Variants in SMG6 observed in about 807,000 individuals in gnomAD.
SMG6 encodes the protein telomerase-binding protein EST1A.
A neutral mutation model predicts 142.2 loss-of-function variants in SMG6; 66 were observed. The observed-to-expected ratio is 0.46, with a 90% confidence interval of 0.38 to 0.57. The LOEUF (loss-of-function observed/expected upper bound fraction) is 0.57. Among genes scored for constraint, SMG6 ranks in the 20% least tolerant of loss-of-function variants. The pLI is 0.00. For synonymous variants in SMG6, 779 were observed against 702.4 expected (o/e 1.11, Z -1.72); for missense variants, 1,793 against 1,832.0 (o/e 0.98, Z 0.39).
In SMG6 at chr17:2,081,914, C is replaced by T; in HGVS notation, c.3577G>A (p.Ala1193Thr). 1 of 1,614,184 alleles carries T rather than the reference C, an allele frequency of 6.2e-7. No homozygotes were observed. Among genetic ancestry groups the T allele is most frequent in the Non-Finnish European group, 8.5e-7 (1 of 1,180,042 alleles). ...VIEDFEEDSE[A>T]EGSGGEDDIR... ...TCATCCTCGCCTCCGCTGCCTTCAG[C>T]CTCTGAATCTTCCTCAAAGTCTTCA... is the stretch of plus-strand genomic sequence containing the variant. The change falls in exon 15 of 19, where the codon GCT becomes ACT. Residue 1193 changes from alanine (A) to threonine (T), a missense_variant. By Grantham distance (58) the Ala-to-Thr change is moderately conservative. Coordinates refer to ENST00000263073, the MANE Select transcript of SMG6 (RefSeq NM_017575.5).
chr17:2,103,990 A>C (rs565719704), intron 13 of SMG6, among the ~76,000 whole-genome samples: 4 of 149,122 alleles, frequency 2.7e-5, no homozygotes, highest in Non-Finnish European at 5.9e-5. Context: ...CTTGTTCTGT[A>C]GCCCAGGCAG....
intron 13 of SMG6, among the ~76,000 whole-genome samples, chr17:2,129,665 G>A (rs542856365): frequency 9.8e-4 from 148 of 151,540 alleles, no homozygotes; most frequent in Non-Finnish European, 1.7e-3. Flanking sequence ...GTGGTGGTGC[G>A]CTCCTGTAAC....
intron 13 of SMG6, among the ~76,000 whole-genome samples, chr17:2,104,454 G>C (rs1225402877): frequency 6.6e-6 from 1 of 151,924 alleles, no homozygotes; most frequent in Non-Finnish European, 1.5e-5. Context: ...CCTCACAAGT[G>C]ACAATGCATA....
intron 13 of SMG6, among the ~76,000 whole-genome samples, chr17:2,112,207 TAA>T (rs879430499): frequency 7.0e-6 from 1 of 143,686 alleles, no homozygotes. Context: ...GCTTCCCTCT[TAA>T]AAAAAAAAAA....
intron 4 of SMG6, among the ~76,000 whole-genome samples, chr17:2,293,820 C>G (rs1176148180): frequency 6.6e-6 from 1 of 152,200 alleles, no homozygotes; most frequent in Admixed American, 6.5e-5. Flanking sequence ...GTTAACATCA[C>G]TGAATTGTAC....
intron 6 of SMG6, among the ~76,000 whole-genome samples, chr17:2,285,891 C>A (rs1019112723): frequency 2.0e-5 from 3 of 152,006 alleles, no homozygotes; most frequent in Admixed American, 6.6e-5. Flanking sequence ...CCAGGCTGGT[C>A]TGGAACTCAT....
intron 1 of SMG6, 149 bp downstream of exon 1, chr17:2,303,484 C>A (rs1391027769): frequency 7.5e-7 from 1 of 1,329,174 alleles, no homozygotes; most frequent in Non-Finnish European, 9.6e-7. Context: ...AGAGGTAGGG[C>A]AGCGAGGGTC....
At position 2,244,967 on chromosome 17, in the gene SMG6, G is replaced by C. The variant is rs557764734; in HGVS notation, c.2662-248C>G. 1.7e-5 allele frequency: 9 copies of C among 531,210 alleles called. No individual in the cohort carries two copies. In the South Asian group the frequency reaches 2.3e-4, roughly 13 times the overall value. The allele number at this position is 531,210 out of a possible 1,614,324, so 32.9% of individuals were successfully genotyped here. On this transcript the variant is annotated intron_variant, in intron 8 of 18. Transcript: ENST00000263073. The stretch of plus-strand genomic sequence containing the variant: ...ACCCTCTGCCGGCAGTGGCACCTGT[G>C]TGCAGGGGATGAGGCGGTGAATCCT...
At chr17:2,227,812 C>T (rs1354990797) in intron 10 of SMG6, among the ~76,000 whole-genome samples, 2 of 152,124 alleles carry the variant, frequency 1.3e-5, no homozygotes, top group African/African-American at 4.8e-5. Context: ...CAGTAACCAT[C>T]AATAGACTCA....
At chr17:2,215,666 G>A (rs896280355) in intron 10 of SMG6, 14 of 151,878 alleles carry the variant, frequency 9.2e-5, no homozygotes, top group Admixed American at 9.2e-4. Context: ...TTGTGTGTGT[G>A]GGGGGGGATC....
At chr17:2,074,957 G>A (rs2068215814) in intron 15 of SMG6, among the ~76,000 whole-genome samples, 1 of 152,210 alleles carries the variant, frequency 6.6e-6, no homozygotes. Flanking sequence ...GGCCCCCAGT[G>A]GATGGTGCTG....
At chr17:2,236,744 CA>C (rs1188589035) in intron 9 of SMG6, 107 bp from the exon 10 acceptor site, 11 of 998,334 alleles carry the variant, frequency 1.1e-5, no homozygotes, top group East Asian at 2.8e-5. Flanking sequence ...CACACACACA[CA>C]CACACACCAG....
chr17:2,157,310 C>T (rs1374277133), intron 13 of SMG6, among the ~76,000 whole-genome samples: 1 of 152,192 alleles, frequency 6.6e-6, no homozygotes, highest in Non-Finnish European at 1.5e-5. Context: ...CAGACTCTAA[C>T]CAGGCCTCGC....
chr17:2,158,786 G>A (rs985411072), intron 13 of SMG6, among the ~76,000 whole-genome samples: 7 of 151,056 alleles, frequency 4.6e-5, no homozygotes, highest in East Asian at 2.0e-4. Flanking sequence ...GTGTGGTGGC[G>A]TGCACCCATA....
At chr17:2,103,778 T>G (rs1045326815) in intron 13 of SMG6, among the ~76,000 whole-genome samples, 1 of 152,150 alleles carries the variant, frequency 6.6e-6, no homozygotes, top group South Asian at 2.1e-4. Flanking sequence ...TATAGGAGAC[T>G]GAGCACACTC....
At chr17:2,244,208 AG>A in intron 9 of SMG6, among the ~76,000 whole-genome samples, 1 of 152,336 alleles carries the variant, frequency 6.6e-6, no homozygotes, top group South Asian at 2.1e-4. Context: ...ATAGGAGGAA[AG>A]GATATGGGTC....
At chr17:2,127,788 TTCACTCTTC>T in intron 13 of SMG6, 1 of 553,206 alleles carries the variant, frequency 1.8e-6, no homozygotes, top group Non-Finnish European at 3.6e-6. Context: ...GGGCTGAAAA[TTCACTCTTC>T]TCCAAAGTAA....
At position 2,134,554 on chromosome 17, in the gene SMG6, G is replaced by C. The variant is rs535910966; in HGVS notation, c.3357+38104C>G. ...TTTATCTATGAAAATGAAACACTGA[G>C]ATTGGAAAAGCAAGTGTTAACAATG... On this transcript the variant is annotated intron_variant, in intron 13 of 18. Transcript: ENST00000263073. Among the ~76,000 whole-genome samples the C allele has an allele frequency of 3.3e-5, 5 of 151,216 alleles. No homozygotes were observed. In the South Asian group the frequency reaches 1.0e-3, roughly 31 times the overall value.
intron 13 of SMG6, chr17:2,087,771 A>T: frequency 1.0e-6 from 1 of 986,010 alleles, no homozygotes; most frequent in Non-Finnish European, 1.2e-6. Context: ...ATAGCCTGGC[A>T]GGCAGCACGC....
Sources: allele counts gnomAD v4.1 joint callset (sites outside exome capture counted in the v4.1 genomes callset), GRCh38; gene constraint gnomAD v4.1.1; transcripts MANE v1.5; gene names NCBI Gene and HGNC (gene_info 2026-07-23, HGNC 2026-07-21).